The following PCSK4 variants were observed in gnomAD, a reference collection of about 807,000 sequenced individuals.
PCSK4 encodes testicular tissue protein Li 135.
Under a neutral mutation model 80.3 loss-of-function variants are expected in PCSK4, and 64 were observed. The observed-to-expected ratio is 0.80, with a 90% CI of 0.65 to 0.98. The LOEUF is 0.98. Among genes scored for constraint, PCSK4 ranks in the 50% least tolerant of loss-of-function variants. The pLI, the probability that PCSK4 is intolerant of heterozygous loss-of-function variation, is 0.00. For synonymous variants in PCSK4, 561 were observed against 487.6 expected (o/e 1.15, Z -1.98); for missense variants, 1,213 against 1,093.6 (o/e 1.11, Z -1.54).
At chr19:1,481,573 A>C in exon 15 of PCSK4, 1 of 466,098 alleles carries the variant, frequency 2.1e-6, no homozygotes, top group Non-Finnish European at 3.8e-6. Context: ...CCAAACCCAA[A>C]ATGCAGAGGA....
chr19:1,481,798 G>A (rs759328869), exon 15 of PCSK4: 15 of 1,521,806 alleles, frequency 9.9e-6, no homozygotes, highest in African/African-American at 5.5e-5. Flanking sequence ...GTTTGGTGGG[G>A]GTGGCCCTGG....
chr19:1,485,127 G>A (rs572486502), intron 8 of PCSK4, among the ~76,000 whole-genome samples: 1 of 152,008 alleles, frequency 6.6e-6, no homozygotes, highest in African/African-American at 2.4e-5. Flanking sequence ...CAACCTGGGT[G>A]ACAGAGTGAG....
At chr19:1,484,045 G>C in exon 9 of PCSK4, 1 of 1,553,390 alleles carries the variant, frequency 6.4e-7, no homozygotes, top group Non-Finnish European at 8.7e-7. Context: ...CAGCGCTAGG[G>C]CGATCATGCC....
At chr19:1,483,589 GCCT>G in intron 11 of PCSK4, 58 bp downstream of exon 11, 1 of 1,443,124 alleles carries the variant, frequency 6.9e-7, no homozygotes, top group Non-Finnish European at 9.4e-7. Context: ...GTAAACTGAG[GCCT>G]CAGGCCTGTC....
At chr19:1,481,969 G>C in exon 15 of PCSK4, 1 of 1,595,088 alleles carries the variant, frequency 6.3e-7, no homozygotes, top group Admixed American at 1.7e-5. Context: ...CGGGGGTGGT[G>C]GGTCCCATGC....
intron 8 of PCSK4, among the ~76,000 whole-genome samples, chr19:1,484,493 A>T (rs1223642726): frequency 1.4e-5 from 2 of 141,974 alleles, no homozygotes; most frequent in Non-Finnish European, 3.1e-5. Flanking sequence ...ACTCTGGATT[A>T]AAAAAAAAAA....
rs754189102 is a variant in PCSK4 at position 1,486,826 on chromosome 19, G to A, written c.1068+27C>T. The A allele has an allele frequency of 6.4e-6, 10 of 1,565,174 alleles. No homozygotes were observed. In the East Asian group the frequency reaches 1.8e-4, roughly 28 times the overall value. On this transcript the variant is annotated intron_variant, in intron 8 of 14. Transcript: ENST00000300954. ...GCTGGGATGGCAGGGCCTGGGGAGG[G>A]GACCCTGTTGGGGCGGCTGCACTCA...
At position 1,482,280 on chromosome 19, in the gene PCSK4, G is replaced by A. The variant is rs2084336664; in HGVS notation, c.1819+73C>T. The A allele has an allele frequency of 2.0e-6, 3 of 1,529,550 alleles. No homozygotes were observed. In the East Asian group the frequency reaches 7.4e-5, roughly 38 times the overall value. 94.7% of individuals were successfully genotyped at this position (1,529,550 alleles called of 1,614,324 possible). A position where few individuals can be genotyped will look rare whatever the true frequency, so the allele number is the denominator to read the frequency against. Reference sequence around the variant, plus strand: ...CCTGTTACTCGCCACCCGCCCGCCTGGGGCCACATGCACGCTGCCCACGGT... The same window carrying A: ...CCTGTTACTCGCCACCCGCCCGCCTAGGGCCACATGCACGCTGCCCACGGT... On this transcript the variant is annotated intron_variant, in intron 14 of 14. Coordinates refer to ENST00000300954, the Ensembl canonical transcript of PCSK4.
Position 1,488,095 on chromosome 19 carries a change from G to A in PCSK4, c.388-3C>T. 19 of 1,612,806 alleles carry A rather than the reference G, an allele frequency of 1.2e-5. No individual in the cohort carries two copies. The highest frequency in any genetic ancestry group is 1.6e-5 in the Non-Finnish European group (19 of 1,179,676). On this transcript the variant is annotated splice_polypyrimidine_tract_variant and splice_region_variant and intron_variant, in intron 3 of 14. Coordinates refer to ENST00000300954, the Ensembl canonical transcript of PCSK4. ...AGGTCTGGTTGGGCCTCGCTGTTCT[G>A]CAGGGGGAGGCGGGGTTGTGACCCT... is the stretch of plus-strand genomic sequence containing the variant.
chr19:1,486,941 T>C, exon 8 of PCSK4: 3 of 1,606,956 alleles, frequency 1.9e-6, no homozygotes, highest in Non-Finnish European at 2.5e-6. Flanking sequence ...GCGGCCCTGC[T>C]GGGTGGTGCT....
At position 1,483,643 on chromosome 19, in the gene PCSK4, G is replaced by A; in HGVS notation, c.1391+7C>T. On this transcript the variant is annotated splice_region_variant and intron_variant, in intron 11 of 14. Coordinates refer to ENST00000300954, the Ensembl canonical transcript of PCSK4. ...GGGGATAGCGGAGGGGCGCGCAGGG[G>A]TCTCACGTGGGGCGGCTCTGGACCC... 1.3e-6 allele frequency: 2 copies of A among 1,577,040 alleles called. No individual in the cohort carries two copies. The highest frequency in any genetic ancestry group is 1.7e-6 in the Non-Finnish European group (2 of 1,165,680).
intron 8 of PCSK4, among the ~76,000 whole-genome samples, chr19:1,486,432 G>A (rs1254331434): frequency 6.6e-6 from 1 of 152,052 alleles, no homozygotes; most frequent in African/African-American, 2.4e-5. Flanking sequence ...GAGTAGCTGG[G>A]ACTACAGGCG....
At chr19:1,489,170 C>A (rs1261397587) in intron 2 of PCSK4, among the ~76,000 whole-genome samples, 1 of 140,152 alleles carries the variant, frequency 7.1e-6, no homozygotes, top group African/African-American at 2.7e-5. Flanking sequence ...CTCGCTCTGT[C>A]GCCCAGGCTG....
intron 2 of PCSK4, among the ~76,000 whole-genome samples, chr19:1,488,789 C>G (rs2084780623): frequency 6.6e-6 from 1 of 152,020 alleles, no homozygotes. Flanking sequence ...CCATGTTGAT[C>G]AGGCTGGTCT....
chr19:1,481,636 C>T, exon 15 of PCSK4: 2 of 602,182 alleles, frequency 3.3e-6, no homozygotes, highest in Non-Finnish European at 2.8e-6. Context: ...GGGGCCCATC[C>T]CTGGCAGGCC....
intron 8 of PCSK4, 80 bp from the exon 9 acceptor site, chr19:1,484,207 G>A: frequency 1.2e-6 from 1 of 819,420 alleles, no homozygotes; most frequent in Non-Finnish European, 2.0e-6. Flanking sequence ...CCAAGGACTG[G>A]GCGGGCGCAG....
At chr19:1,482,589 C>G in intron 13 of PCSK4, 114 bp from the exon 14 acceptor site, 1 of 1,317,656 alleles carries the variant, frequency 7.6e-7, no homozygotes, top group Non-Finnish European at 1.0e-6. Flanking sequence ...TGGACTGGTT[C>G]ACATCTCTCA....
At position 1,483,947 on chromosome 19, in the gene PCSK4, G is replaced by C. The variant is rs745369542; in HGVS notation, c.1170-6C>G. ...CTCTCCACGTCAGGAACGGGCTGCG[G>C]GGGGCGGGGGCGGGGGCGGGTGAGC... On this transcript the variant is annotated splice_polypyrimidine_tract_variant and splice_region_variant and intron_variant, in intron 9 of 14. Coordinates refer to ENST00000300954, the Ensembl canonical transcript of PCSK4. 1.4e-6 allele frequency: 2 copies of C among 1,411,340 alleles called. No homozygotes were observed. The highest frequency in any genetic ancestry group is 3.1e-5 in the African/African-American group (2 of 64,700). 87.4% of individuals were successfully genotyped at this position (1,411,340 alleles called of 1,614,324 possible).
Position 1,483,711 on chromosome 19 carries a change from G to A in PCSK4, c.1330C>T (p.Arg444Cys), listed in dbSNP as rs770367925. The change falls in exon 11 of 15, where the codon CGC becomes TGC. Residue 444 changes from arginine (R) to cysteine (C), a missense_variant. Arg to Cys is a radical substitution (Grantham distance 180). Coordinates refer to ENST00000300954, the Ensembl canonical transcript of PCSK4. ...TGCGGCTGGGTGGGCAGCCAGGTGC[G>A]GGCGGTGTCCACCAGCAGCCCGGCG... The A allele has an allele frequency of 1.2e-5, 19 of 1,596,100 alleles. No homozygotes were observed. The East Asian group carries it at 2.9e-4, about 24-fold the overall frequency.
Sources: gnomAD v4.1 joint callset for allele counts (sites outside exome capture counted in the v4.1 genomes callset) on GRCh38, gnomAD v4.1.1 for gene constraint, MANE v1.5 for transcripts, NCBI Gene and HGNC (gene_info 2026-07-23, HGNC 2026-07-21) for gene names.